The following ENTREP2 variants were observed in gnomAD, a reference collection of about 807,000 sequenced individuals.
ENTREP2 encodes the protein protein ENTREP2.
chr15:29,314,880 C>T, the ENTREP2 span, among the ~76,000 whole-genome samples: 13 of 152,114 alleles, frequency 8.5e-5, no homozygotes, highest in African/African-American at 2.2e-4. Context: ...GGTGAAACCC[C>T]GCCTCTACCA....
At chr15:29,498,789 C>T in the ENTREP2 span, among the ~76,000 whole-genome samples, 2 of 152,058 alleles carry the variant, frequency 1.3e-5, no homozygotes, top group Admixed American at 6.6e-5. Flanking sequence ...CTGTCTATTT[C>T]TCCTTTCAGA....
chr15:29,293,077 GC>G, the ENTREP2 span, among the ~76,000 whole-genome samples: 3 of 152,192 alleles, frequency 2.0e-5, no homozygotes. Context: ...ATGGCTCATG[GC>G]CCAACATCCA....
chr15:29,190,340 G>A, the ENTREP2 span, among the ~76,000 whole-genome samples: 1 of 151,862 alleles, frequency 6.6e-6, no homozygotes, highest in Non-Finnish European at 1.5e-5. Flanking sequence ...AGGCTTGTTG[G>A]CCCCCAGGGG....
the ENTREP2 span, among the ~76,000 whole-genome samples, chr15:29,306,660 G>A: frequency 2.3e-4 from 26 of 112,546 alleles, no homozygotes; most frequent in African/African-American, 6.8e-4. Context: ...AAAAATAATT[G>A]GTAATTTTTT....
chr15:29,344,287 G>A, the ENTREP2 span, among the ~76,000 whole-genome samples: 12 of 152,178 alleles, frequency 7.9e-5, no homozygotes, highest in Non-Finnish European at 1.6e-4. Flanking sequence ...CACTTTTTAA[G>A]CCAAATCTAA....
the ENTREP2 span, chr15:29,268,606 T>C: frequency 3.8e-6 from 2 of 530,802 alleles, no homozygotes; most frequent in African/African-American, 1.9e-5. Context: ...TGTTTATAGA[T>C]GAAAATCTGG....
the ENTREP2 span, among the ~76,000 whole-genome samples, chr15:29,198,722 T>G: frequency 6.6e-6 from 1 of 152,216 alleles, no homozygotes; most frequent in Non-Finnish European, 1.5e-5. Flanking sequence ...TCCCTGTCAT[T>G]CCTCCCACTT....
At chr15:29,459,658 G>A in the ENTREP2 span, among the ~76,000 whole-genome samples, 26 of 152,294 alleles carry the variant, frequency 1.7e-4, no homozygotes, top group African/African-American at 4.8e-4. Context: ...AGCCAGGAGG[G>A]AGTGAAGCCA....
the ENTREP2 span, among the ~76,000 whole-genome samples, chr15:29,667,676 A>G: frequency 2.0e-5 from 3 of 151,294 alleles, no homozygotes; most frequent in East Asian, 1.9e-4. Flanking sequence ...GTATTTTTTA[A>G]GTAGAGACAA....
the ENTREP2 span, among the ~76,000 whole-genome samples, chr15:29,468,327 C>T: frequency 6.6e-6 from 1 of 151,992 alleles, no homozygotes; most frequent in Admixed American, 6.6e-5. Context: ...TAAGAAAAGA[C>T]AGGCTGGGCA....
At chr15:29,641,788 C>T in the ENTREP2 span, among the ~76,000 whole-genome samples, 9 of 148,364 alleles carry the variant, frequency 6.1e-5, no homozygotes, top group South Asian at 2.1e-4. Context: ...GCCAAGATTG[C>T]GCCACTGCAC....
chr15:29,357,625 C>T, the ENTREP2 span, among the ~76,000 whole-genome samples: 6 of 152,096 alleles, frequency 3.9e-5, no homozygotes, highest in South Asian at 4.2e-4. Context: ...ATCACAAGGT[C>T]GGGAGATCGA....
chr15:29,149,788 G>C, the ENTREP2 span, among the ~76,000 whole-genome samples: 2 of 152,208 alleles, frequency 1.3e-5, no homozygotes, highest in Non-Finnish European at 2.9e-5. Context: ...TCTCAAGCCC[G>C]GCAGCAGAGC....
chr15:29,239,962 C>G, the ENTREP2 span, among the ~76,000 whole-genome samples: 2 of 152,188 alleles, frequency 1.3e-5, no homozygotes, highest in African/African-American at 2.4e-5. Flanking sequence ...CTTCCCTCCG[C>G]TGTCGGGTGT....
the ENTREP2 span, among the ~76,000 whole-genome samples, chr15:29,632,429 T>C: frequency 1.3e-5 from 2 of 151,812 alleles, no homozygotes; most frequent in Non-Finnish European, 2.9e-5. Flanking sequence ...GAGTCAATGT[T>C]TCTTTTATTT....
At chr15:29,149,950 G>T in the ENTREP2 span, among the ~76,000 whole-genome samples, 1 of 152,192 alleles carries the variant, frequency 6.6e-6, no homozygotes, top group African/African-American at 2.4e-5. Context: ...GAAACAACAG[G>T]GCTTCTGACG....
At chr15:29,426,656 C>T in the ENTREP2 span, among the ~76,000 whole-genome samples, 1 of 152,140 alleles carries the variant, frequency 6.6e-6, no homozygotes, top group Non-Finnish European at 1.5e-5. Flanking sequence ...TCGTGTCCTC[C>T]GTCTGCCTCC....
chr15:29,354,583 G>A, the ENTREP2 span, among the ~76,000 whole-genome samples: 115 of 152,254 alleles, frequency 7.6e-4, no homozygotes, highest in African/African-American at 2.6e-3. Flanking sequence ...CTCCAAAATA[G>A]ATATTTTGAT....
At chr15:29,631,657 G>A in the ENTREP2 span, among the ~76,000 whole-genome samples, 2 of 152,324 alleles carry the variant, frequency 1.3e-5, no homozygotes, top group South Asian at 2.1e-4. Flanking sequence ...CTTCTAGGCA[G>A]GGCTTAAAGA....
Sources: allele counts gnomAD v4.1 joint callset (sites outside exome capture counted in the v4.1 genomes callset), GRCh38; gene constraint gnomAD v4.1.1; transcripts MANE v1.5; gene names NCBI Gene and HGNC (gene_info 2026-07-23, HGNC 2026-07-21).